TTC38: variants seen among roughly 807,000 people sequenced by gnomAD.
TTC38 encodes the protein tetratricopeptide repeat protein 38.
A neutral mutation model predicts 64.2 loss-of-function variants in TTC38; 64 were observed. That is an observed-to-expected ratio of 1.00 (90% confidence interval 0.81 to 1.23). TTC38 has a LOEUF of 1.23. Ranked by LOEUF, TTC38 falls within the 50% of genes most tolerant of loss-of-function variation. TTC38 has a pLI of 0.00. For missense variants in TTC38, 573 were observed against 615.5 expected (o/e 0.93, Z 0.73); for synonymous variants, 254 against 249.3 (o/e 1.02, Z -0.18).
chr22:46,292,827 C>T lies in TTC38; in HGVS notation c.1353C>T (p.Asn451=), dbSNP rs528296810. 7.4e-6 allele frequency: 12 copies of T among 1,614,130 alleles called. No homozygotes were observed. The African/African-American group carries it at 1.2e-4, about 16-fold the overall frequency. ...LLMERDALKP[N]SPLTERLIRK... is the part of the protein sequence containing the mutation. Reference sequence around the variant, plus strand: ...TGGAGCGTGATGCCTTGAAGCCCAACTCGCCCCTGACCGAGCGGCTCATCC... The same window carrying T: ...TGGAGCGTGATGCCTTGAAGCCCAATTCGCCCCTGACCGAGCGGCTCATCC... Residue 451 remains asparagine, a synonymous_variant, in exon 14 of 14, where the codon AAC becomes AAT. Coordinates refer to ENST00000381031, the MANE Select transcript of TTC38 (RefSeq NM_017931.4). This position sits in a 1 kb window ranked among gnomAD's most constrained non-coding sequence, Gnocchi z 6.5.
chr22:46,283,851 CAAAAAAAAAAAAA>C (rs58477670), intron 7 of TTC38, 109 bp from the exon 8 acceptor site: 28 of 210,786 alleles, frequency 1.3e-4, no homozygotes, highest in African/African-American at 9.7e-4. Context: ...GACTTAGTCT[CAAAAAAAAAAAAA>C]AAAAAAAAAA....
At position 46,274,865 on chromosome 22, in the gene TTC38, G is replaced by A. The variant is rs1051760414; in HGVS notation, c.366-383G>A. Among the ~76,000 whole-genome samples the A allele has an allele frequency of 2.0e-5, 3 of 151,816 alleles. No homozygotes were observed. Among genetic ancestry groups the A allele is most frequent in the Non-Finnish European group, 2.9e-5 (2 of 67,978 alleles). ...ATTTATTTAGAGTTTTGCTCTTGTCGCCCAGGCTGGAATGCAGTGGCGCAA... is the reference window on the plus strand; with the variant it reads ...ATTTATTTAGAGTTTTGCTCTTGTCACCCAGGCTGGAATGCAGTGGCGCAA... On this transcript the variant is annotated intron_variant, in intron 4 of 13. Transcript: ENST00000381031. The surrounding 1 kb of genome is among the most constrained non-coding windows in gnomAD (Gnocchi z 4.8).
intron 6 of TTC38, 111 bp downstream of exon 6, chr22:46,278,772 T>C: frequency 1.1e-6 from 1 of 872,690 alleles, no homozygotes; most frequent in South Asian, 1.3e-5. Flanking sequence ...CCATCCCTGG[T>C]CTCACTTCCT....
rs1936923063 is a variant in TTC38, at chr22:46,272,782, T to C, written c.193+366T>C. 6.6e-6 allele frequency among the ~76,000 whole-genome samples: 1 copy of C among 152,078 alleles called. No individual in the cohort carries two copies. Among genetic ancestry groups the C allele is most frequent in the African/African-American group, 2.4e-5 (1 of 41,398 alleles). On this transcript the variant is annotated intron_variant, in intron 3 of 13. Coordinates refer to ENST00000381031, the MANE Select transcript of TTC38 (RefSeq NM_017931.4). The surrounding 1 kb of genome is among the most constrained non-coding windows in gnomAD (Gnocchi z 6.4). ...CTGGGATTAGATAAAGCTTCCTGAA[T>C]CCAAGGCCCAGACCCCTGGAACATG... is the stretch of plus-strand genomic sequence containing the variant.
Position 46,281,872 on chromosome 22 carries a change from T to G in TTC38, c.735+154T>G. On this transcript the variant is annotated intron_variant, in intron 7 of 13. Transcript: ENST00000381031. This position sits in a 1 kb window ranked among gnomAD's most constrained non-coding sequence, Gnocchi z 5.2. ...GCACCTGCCTCAGGTGTTTGGCTGCTGAGCAGAATGCAATCAAGATTCCAG... is the reference window on the plus strand; with the variant it reads ...GCACCTGCCTCAGGTGTTTGGCTGCGGAGCAGAATGCAATCAAGATTCCAG... 2.0e-6 allele frequency: 2 copies of G among 1,002,318 alleles called. No homozygotes were observed. The highest frequency in any genetic ancestry group is 3.0e-6 in the Non-Finnish European group (2 of 661,200). The allele number at this position is 1,002,318 out of a possible 1,614,324, so 62.1% of individuals were successfully genotyped here.
Position 46,274,674 on chromosome 22 carries a change from A to G in TTC38, c.366-574A>G, listed in dbSNP as rs1936969064. Among the ~76,000 whole-genome samples the G allele has an allele frequency of 6.6e-6, 1 of 151,106 alleles. No individual in the cohort carries two copies. The highest frequency in any genetic ancestry group is 1.5e-5 in the Non-Finnish European group (1 of 67,968). Reference sequence around the variant, plus strand: ...AGCCCAGGTGTGGGTTCCACCTCAGAGACTTCCTGTGGCTGTCTCACGGTC... The same window carrying G: ...AGCCCAGGTGTGGGTTCCACCTCAGGGACTTCCTGTGGCTGTCTCACGGTC... On this transcript the variant is annotated intron_variant, in intron 4 of 13. Coordinates refer to ENST00000381031, the MANE Select transcript of TTC38 (RefSeq NM_017931.4). The surrounding 1 kb of genome is among the most constrained non-coding windows in gnomAD (Gnocchi z 4.8).
chr22:46,269,774 G>T (rs898096352), intron 2 of TTC38, among the ~76,000 whole-genome samples: 2 of 152,080 alleles, frequency 1.3e-5, no homozygotes, highest in Non-Finnish European at 1.5e-5. Flanking sequence ...CCTGTATCTC[G>T]CCGGCCTCTG....
chr22:46,278,335 A>G (rs1601873333), intron 5 of TTC38, among the ~76,000 whole-genome samples: 1 of 152,016 alleles, frequency 6.6e-6, no homozygotes, highest in African/African-American at 2.4e-5. Flanking sequence ...CTTGGTCTTT[A>G]CCTGCCGCCT....
At position 46,285,393 on chromosome 22, in the gene TTC38, A is replaced by C; in HGVS notation, c.834+114A>C. 3.8e-6 allele frequency: 4 copies of C among 1,048,050 alleles called. No individual in the cohort carries two copies. The South Asian group carries it at 5.1e-5, about 13-fold the overall frequency. 64.9% of individuals were successfully genotyped at this position (1,048,050 alleles called of 1,614,324 possible). On this transcript the variant is annotated intron_variant, in intron 9 of 13. Coordinates refer to ENST00000381031, the MANE Select transcript of TTC38 (RefSeq NM_017931.4). ...TCCCAGCCAGAAAAACAGCTGGAGCAAGAACACATTTCTTGTGTAAGGCCT... is the reference window on the plus strand; with the variant it reads ...TCCCAGCCAGAAAAACAGCTGGAGCCAGAACACATTTCTTGTGTAAGGCCT...
chr22:46,285,667 G>A (rs1356188075), intron 9 of TTC38, among the ~76,000 whole-genome samples: 2 of 151,366 alleles, frequency 1.3e-5, no homozygotes, highest in African/African-American at 2.4e-5. Flanking sequence ...GCAATGGTGC[G>A]ATTGGCTGGA....
At position 46,288,912 on chromosome 22, in the gene TTC38, A is replaced by G. The variant is rs542849889; in HGVS notation, c.1082+324A>G. On this transcript the variant is annotated intron_variant, in intron 11 of 13. Transcript: ENST00000381031. ...ACAGTGAAGCCCTGAAGCCAGAGAC[A>G]CCTGCTGCTTACAGGCCCTGAGGTC... 2.0e-4 allele frequency among the ~76,000 whole-genome samples: 30 copies of G among 152,322 alleles called. No individual in the cohort carries two copies. In the East Asian group the frequency reaches 5.2e-3, roughly 26 times the overall value.
chr22:46,279,146 T>A (rs1287152767), intron 6 of TTC38, among the ~76,000 whole-genome samples: 1 of 152,206 alleles, frequency 6.6e-6, no homozygotes, highest in Non-Finnish European at 1.5e-5. Flanking sequence ...TGATCGCCAG[T>A]CATGATCATT....
Position 46,292,966 on chromosome 22 carries a change from A to T in TTC38, c.*82A>T. 9.0e-7 allele frequency: 1 copy of T among 1,116,390 alleles called. No individual in the cohort carries two copies. The highest frequency in any genetic ancestry group is 1.4e-6 in the Non-Finnish European group (1 of 738,266). 69.2% of individuals were successfully genotyped at this position (1,116,390 alleles called of 1,614,324 possible). On this transcript the variant is annotated 3_prime_UTR_variant, in exon 14 of 14. Transcript: ENST00000381031. This position sits in a 1 kb window ranked among gnomAD's most constrained non-coding sequence, Gnocchi z 6.5. ...TCAGCTGCTCCACCGGGTTAGGGTC[A>T]GGAGACGGCCAGAGCCTGTTTGTTA...
chr22:46,269,718 C>G (rs1569012012), intron 2 of TTC38, among the ~76,000 whole-genome samples: 1 of 152,224 alleles, frequency 6.6e-6, no homozygotes, highest in Non-Finnish European at 1.5e-5. Context: ...CTGTGGGCAT[C>G]TGAGTTGTTT....
chr22:46,290,012 G>T, intron 13 of TTC38, 113 bp downstream of exon 13: 1 of 962,334 alleles, frequency 1.0e-6, no homozygotes, highest in Non-Finnish European at 1.7e-6. Context: ...TGCTTCTGAG[G>T]CTGTGAGGTC....
chr22:46,291,308 G>T lies in TTC38; in HGVS notation c.1316+1409G>T, dbSNP rs1349151280. Reference sequence around the variant, plus strand: ...GGAAAGTGGCTGTGTGGACAGGAGGGCTGAGGATGGAGCTGGGGTGACATC... The same window carrying T: ...GGAAAGTGGCTGTGTGGACAGGAGGTCTGAGGATGGAGCTGGGGTGACATC... On this transcript the variant is annotated intron_variant, in intron 13 of 13. Transcript: ENST00000381031. This position sits in a 1 kb window ranked among gnomAD's most constrained non-coding sequence, Gnocchi z 4.6. Among the ~76,000 whole-genome samples the T allele has an allele frequency of 6.6e-6, 1 of 152,212 alleles. No homozygotes were observed. The highest frequency in any genetic ancestry group is 1.5e-5 in the Non-Finnish European group (1 of 68,040).
In TTC38 at chr22:46,292,771, C is replaced by T; in HGVS notation, c.1317-20C>T. On this transcript the variant is annotated intron_variant, in intron 13 of 13. Coordinates refer to ENST00000381031, the MANE Select transcript of TTC38 (RefSeq NM_017931.4). The surrounding 1 kb of genome is among the most constrained non-coding windows in gnomAD (Gnocchi z 6.5). Reference sequence around the variant, plus strand: ...CCTCTAGAAGGTTCTGTAACAGGACCTCTGTGTCTGTTTCCACAGGAGCCT... The same window carrying T: ...CCTCTAGAAGGTTCTGTAACAGGACTTCTGTGTCTGTTTCCACAGGAGCCT... The T allele has an allele frequency of 3.1e-6, 5 of 1,608,452 alleles. No individual in the cohort carries two copies. Among genetic ancestry groups the T allele is most frequent in the Non-Finnish European group, 4.3e-6 (5 of 1,175,076 alleles).
chr22:46,282,635 C>T lies in TTC38; in HGVS notation c.735+917C>T, dbSNP rs1336328117. Among the ~76,000 whole-genome samples the T allele has an allele frequency of 2.0e-5, 3 of 152,284 alleles. No individual in the cohort carries two copies. Among genetic ancestry groups the T allele is most frequent in the South Asian group, 2.1e-4 (1 of 4,822 alleles). On this transcript the variant is annotated intron_variant, in intron 7 of 13. Coordinates refer to ENST00000381031, the MANE Select transcript of TTC38 (RefSeq NM_017931.4). This position sits in a 1 kb window ranked among gnomAD's most constrained non-coding sequence, Gnocchi z 4.4. ...CGGAGGATCCTCGGGCCTCCAGATT[C>T]GGCTCTGTCAAGGGGGCAGTGGTCA...
rs995790931 is a variant in TTC38 at position 46,282,431 on chromosome 22, G to A, written c.735+713G>A. On this transcript the variant is annotated intron_variant, in intron 7 of 13. Coordinates refer to ENST00000381031, the MANE Select transcript of TTC38 (RefSeq NM_017931.4). This position sits in a 1 kb window ranked among gnomAD's most constrained non-coding sequence, Gnocchi z 4.4. ...GTGGAGGTGGGCCCTCTGGACAGAC[G>A]GGGCTGCATCAGGTGAGCCTATTGG... 8.5e-5 allele frequency among the ~76,000 whole-genome samples: 13 copies of A among 152,342 alleles called. No individual in the cohort carries two copies. The highest frequency in any genetic ancestry group is 5.9e-4 in the Admixed American group (9 of 15,300).
Sources: allele counts gnomAD v4.1 joint callset (sites outside exome capture counted in the v4.1 genomes callset), GRCh38; gene constraint gnomAD v4.1.1; non-coding constraint Gnocchi (gnomAD v3.1); transcripts MANE v1.5; gene names NCBI Gene and HGNC (gene_info 2026-07-23, HGNC 2026-07-21).